Variants in PRKDC observed in about 807,000 individuals in gnomAD.
PRKDC encodes the protein protein kinase, DNA-activated, catalytic subunit.
A neutral mutation model predicts 486.9 loss-of-function variants in PRKDC; 82 were observed. The ratio of observed to expected loss-of-function variants is 0.17; its 90% CI spans 0.14 to 0.20. The LOEUF is 0.20. PRKDC is among the 10% of genes least tolerant of loss of function. The pLI, the probability that PRKDC is intolerant of heterozygous loss-of-function variation, is 1.00. For missense variants in PRKDC, 4,504 were observed against 5,038.2 expected, an observed-to-expected ratio of 0.89 and a Z score of 3.21; for synonymous variants, 1,895 against 1,837.0, an observed-to-expected ratio of 1.03 and a Z score of -0.81.
intron 7 of PRKDC, among the ~76,000 whole-genome samples, chr8:47,950,328 A>G (rs2090606400): frequency 6.6e-6 from 1 of 151,542 alleles, no homozygotes; most frequent in African/African-American, 2.4e-5. Context: ...CCTCCCCTTA[A>G]GATTATTTTA....
chr8:47,777,610 T>C, intron 84 of PRKDC, 76 bp downstream of exon 84: 1 of 1,363,284 alleles, frequency 7.3e-7, no homozygotes, highest in Non-Finnish European at 1.0e-6. Flanking sequence ...TGCACTTCCA[T>C]CATACACGAG....
At chr8:47,938,408 A>C (rs1166793862) in intron 11 of PRKDC, among the ~76,000 whole-genome samples, 1 of 151,538 alleles carries the variant, frequency 6.6e-6, no homozygotes, top group African/African-American at 2.4e-5. Context: ...CGAAACTCCA[A>C]CTCAAAAATT....
intron 38 of PRKDC, 138 bp from the exon 39 acceptor site, chr8:47,879,796 A>T: frequency 1.7e-6 from 1 of 604,996 alleles, no homozygotes; most frequent in Non-Finnish European, 2.5e-6. Flanking sequence ...TTTCTAAATT[A>T]TATTAAAAAC....
In PRKDC at chr8:47,943,370, C is replaced by T; in HGVS notation, c.809-4G>A. 1 of 1,591,272 alleles carries T rather than the reference C, an allele frequency of 6.3e-7. No individual in the cohort carries two copies. Among genetic ancestry groups the T allele is most frequent in the Non-Finnish European group, 8.5e-7 (1 of 1,170,874 alleles). ...AGGGCAAATAGGCGCAAGCCAGCTG[C>T]AAATGCAAATGCCATTATATTTAAA... is the stretch of plus-strand genomic sequence containing the variant. On this transcript the variant is annotated splice_region_variant and splice_polypyrimidine_tract_variant and intron_variant, in intron 9 of 85. Coordinates refer to ENST00000314191, the MANE Select transcript of PRKDC (RefSeq NM_006904.7).
chr8:47,871,005 A>G (rs1361092677), intron 40 of PRKDC, among the ~76,000 whole-genome samples: 1 of 152,220 alleles, frequency 6.6e-6, no homozygotes, highest in Non-Finnish European at 1.5e-5. Flanking sequence ...ATTAATGAAC[A>G]TGTAGGCAGG....
At chr8:47,796,815 A>T (rs888887358) in intron 73 of PRKDC, among the ~76,000 whole-genome samples, 1 of 151,990 alleles carries the variant, frequency 6.6e-6, no homozygotes, top group Non-Finnish European at 1.5e-5. Flanking sequence ...GCTGGTCTCG[A>T]ACTGCTGACC....
At chr8:47,887,998 G>A (rs566766493) in intron 34 of PRKDC, among the ~76,000 whole-genome samples, 1 of 152,130 alleles carries the variant, frequency 6.6e-6, no homozygotes, top group South Asian at 2.1e-4. Flanking sequence ...TGGGACTACG[G>A]GTCCGCGGCA....
chr8:47,863,805 T>C (rs2088735349), intron 41 of PRKDC, among the ~76,000 whole-genome samples: 1 of 152,188 alleles, frequency 6.6e-6, no homozygotes, highest in Non-Finnish European at 1.5e-5. Context: ...GACATCCAAA[T>C]AGTGAGCCAA....
At chr8:47,941,384 C>T (rs2090442651) in intron 10 of PRKDC, among the ~76,000 whole-genome samples, 1 of 152,104 alleles carries the variant, frequency 6.6e-6, no homozygotes, top group Non-Finnish European at 1.5e-5. Context: ...TGGAGCTGAC[C>T]ACACCTGGTA....
At chr8:47,910,870 T>C (rs575058236) in intron 25 of PRKDC, among the ~76,000 whole-genome samples, 11 of 152,242 alleles carry the variant, frequency 7.2e-5, no homozygotes, top group African/African-American at 2.2e-4. Flanking sequence ...AAGATGTTTA[T>C]AGACATATTT....
chr8:47,828,794 G>A (rs992781149), intron 61 of PRKDC, among the ~76,000 whole-genome samples: 4 of 152,166 alleles, frequency 2.6e-5, no homozygotes, highest in African/African-American at 9.7e-5. Flanking sequence ...CAGCACCATG[G>A]TAAAGCTTAA....
intron 67 of PRKDC, among the ~76,000 whole-genome samples, chr8:47,818,977 C>A: frequency 6.6e-6 from 1 of 152,196 alleles, no homozygotes. Context: ...GCCCTCCCTT[C>A]AAGCCAGGGC....
Position 47,927,297 on chromosome 8 carries a change from A to G in PRKDC, c.2316T>C (p.Ala772=). 6.2e-7 allele frequency: 1 copy of G among 1,613,796 alleles called. No individual in the cohort carries two copies. Among genetic ancestry groups the G allele is most frequent in the Non-Finnish European group, 8.5e-7 (1 of 1,179,754 alleles). The change falls in exon 21 of 86, where the codon GCT becomes GCC. Residue 772 remains alanine, a synonymous_variant. Transcript: ENST00000314191. ...CAATATAAATTGACCATTCTTCTAG[A>G]GCATTCAGGCCTACTTCTGCCAAGG... ...YTPLAEVGLN[A]LEEWSIYIDR...
intron 54 of PRKDC, among the ~76,000 whole-genome samples, chr8:47,847,984 C>G (rs1049690278): frequency 2.0e-5 from 3 of 151,740 alleles, no homozygotes; most frequent in African/African-American, 7.3e-5. Flanking sequence ...AGTTAAAAAT[C>G]TGGCAGATAT....
intron 59 of PRKDC, 33 bp downstream of exon 59, chr8:47,834,163 G>A: frequency 6.2e-7 from 1 of 1,611,362 alleles, no homozygotes. Flanking sequence ...TAGTGGGGAA[G>A]CTATTTTAAG....
chr8:47,824,441 A>G (rs892455621), intron 63 of PRKDC, among the ~76,000 whole-genome samples: 2 of 140,584 alleles, frequency 1.4e-5, no homozygotes, highest in African/African-American at 5.2e-5. Flanking sequence ...ACTGCACTCC[A>G]GCCTGGGCAA....
Position 47,877,710 on chromosome 8 carries a change from C to A in PRKDC, c.5363+14G>T. On this transcript the variant is annotated intron_variant, in intron 40 of 85. Transcript: ENST00000314191. Reference sequence around the variant, plus strand: ...TGCGTATGGTTCCTGAGATCCCAGGCCAGAATGACTTACCTTCTGGCAATC... The same window carrying A: ...TGCGTATGGTTCCTGAGATCCCAGGACAGAATGACTTACCTTCTGGCAATC... The A allele has an allele frequency of 6.4e-7, 1 of 1,569,012 alleles. No individual in the cohort carries two copies. Among genetic ancestry groups the A allele is most frequent in the Non-Finnish European group, 8.6e-7 (1 of 1,156,534 alleles).
rs375658369 is a variant in PRKDC, at chr8:47,887,633, C to T, written c.4486G>A (p.Glu1496Lys). Residue 1496 changes from glutamate to lysine, a missense_variant, in exon 35 of 86, where the codon GAG (glutamate) becomes AAG (lysine). Physicochemically the swap from Glu to Lys is moderately conservative, Grantham distance 56 (BLOSUM62 1). Transcript: ENST00000314191. Reference protein sequence around the residue: ...LVYKGIAPGDERQCLPSLDLS... With the variant: ...LVYKGIAPGDKRQCLPSLDLS... ...TCTAGAGAAGGCAGACACTGTCTCT[C>T]ATCTCCAGGGGCAATGCCTTTATAA... 1.2e-6 allele frequency: 2 copies of T among 1,607,672 alleles called. No homozygotes were observed. The highest frequency in any genetic ancestry group is 1.7e-6 in the Non-Finnish European group (2 of 1,177,112).
Position 47,957,446 on chromosome 8 carries a change from A to T in PRKDC, c.155-15T>A. 6.4e-7 allele frequency: 1 copy of T among 1,557,208 alleles called. No individual in the cohort carries two copies. The highest frequency in any genetic ancestry group is 8.7e-7 in the Non-Finnish European group (1 of 1,147,792). The stretch of plus-strand genomic sequence containing the variant: ...TGTCTGTAATGCTGTTCAAAAAAAT[A>T]AGTAAACAAGTTAAGAGAGTGCCAA... On this transcript the variant is annotated splice_polypyrimidine_tract_variant and intron_variant, in intron 1 of 85. Transcript: ENST00000314191.
Sources: allele counts gnomAD v4.1 joint callset (sites outside exome capture counted in the v4.1 genomes callset), GRCh38; gene constraint gnomAD v4.1.1; transcripts MANE v1.5; gene names NCBI Gene and HGNC (gene_info 2026-07-23, HGNC 2026-07-21).